Variants in ROR2 observed in about 807,000 individuals in gnomAD.
ROR2 encodes tyrosine-protein kinase transmembrane receptor ROR2.
A neutral mutation model predicts 74.9 loss-of-function variants in ROR2; 33 were observed. The observed-to-expected ratio is 0.44, with a 90% CI of 0.33 to 0.59. The LOEUF is 0.59. ROR2 is among the 20% of genes least tolerant of loss of function. The pLI is 0.02. For synonymous variants in ROR2, 586 were observed against 558.7 expected, an observed-to-expected ratio of 1.05 and a Z score of -0.69; for missense variants, 1,216 against 1,313.8, an observed-to-expected ratio of 0.93 and a Z score of 1.15.
chr9:91,829,851 G>A (rs1445743922), intron 1 of ROR2, among the ~76,000 whole-genome samples: 3 of 152,142 alleles, frequency 2.0e-5, no homozygotes, highest in Admixed American at 6.6e-5. Flanking sequence ...TATTTTTAAC[G>A]TAATACAAAT....
At chr9:91,755,190 C>T (rs1564253398) in intron 4 of ROR2, among the ~76,000 whole-genome samples, 1 of 152,186 alleles carries the variant, frequency 6.6e-6, no homozygotes, top group Non-Finnish European at 1.5e-5. Context: ...TGCAAGCAAG[C>T]TGCTGATGTC....
chr9:91,848,374 G>A (rs1054358077), intron 1 of ROR2, among the ~76,000 whole-genome samples: 4 of 152,220 alleles, frequency 2.6e-5, no homozygotes, highest in Non-Finnish European at 4.4e-5. Context: ...CCCATCTGGA[G>A]GCAGGGCATC....
intron 1 of ROR2, among the ~76,000 whole-genome samples, chr9:91,918,768 G>C (rs1169087947): frequency 3.3e-5 from 5 of 152,182 alleles, no homozygotes; most frequent in Admixed American, 2.0e-4. Flanking sequence ...AAATAAAAGG[G>C]ACAGGAAGAG....
chr9:91,903,168 G>A (rs968194601), intron 1 of ROR2, among the ~76,000 whole-genome samples: 10 of 151,996 alleles, frequency 6.6e-5, no homozygotes, highest in African/African-American at 9.7e-5. Context: ...AAAAATACAT[G>A]TTCTCCCCTA....
intron 1 of ROR2, among the ~76,000 whole-genome samples, chr9:91,883,869 G>A (rs766932155): frequency 8.6e-5 from 13 of 152,008 alleles, no homozygotes; most frequent in Non-Finnish European, 1.5e-4. Flanking sequence ...TGGTGGCCTC[G>A]GAACCCCCTT....
At position 91,901,792 on chromosome 9, in the gene ROR2, G is replaced by GGA. The variant is rs145203256; in HGVS notation, c.97+48073_97+48074dup. Among the ~76,000 whole-genome samples, 6 of 146,842 alleles carry GGA rather than the reference G, an allele frequency of 4.1e-5. No homozygotes were observed. The South Asian group carries it at 1.3e-3, about 32-fold the overall frequency. On this transcript the variant is annotated intron_variant, in intron 1 of 8. Transcript: ENST00000375708. ...GATCTCACGAATGCACTCCAGCCTG[G>GGA]GACTCCATCTCAAAAAAAAAAAAGA...
intron 1 of ROR2, among the ~76,000 whole-genome samples, chr9:91,906,978 G>A (rs546074399): frequency 2.0e-5 from 3 of 152,236 alleles, no homozygotes; most frequent in African/African-American, 4.8e-5. Context: ...GTGTTGTGCA[G>A]GATCACCACT....
rs186940875 is a variant in ROR2, at chr9:91,861,670, C to T, written c.98-85852G>A. 9.1e-4 allele frequency among the ~76,000 whole-genome samples: 139 copies of T among 152,220 alleles called. 1 individual carries two copies. The East Asian group carries it at 0.027, about 29-fold the overall frequency. Reference sequence around the variant, plus strand: ...AAACTGTTAAAAGAATACAGTGTACCTTTTCATAACCTTGAGTTAAACAGT... The same window carrying T: ...AAACTGTTAAAAGAATACAGTGTACTTTTTCATAACCTTGAGTTAAACAGT... On this transcript the variant is annotated intron_variant, in intron 1 of 8. Transcript: ENST00000375708.
chr9:91,739,244 T>A (rs1382133233), intron 4 of ROR2, among the ~76,000 whole-genome samples: 1 of 152,176 alleles, frequency 6.6e-6, no homozygotes, highest in Non-Finnish European at 1.5e-5. Context: ...CAGTGGCTCG[T>A]GCCTGTAATC....
chr9:91,932,670 A>AG (rs1831579941), intron 1 of ROR2, among the ~76,000 whole-genome samples: 1 of 152,044 alleles, frequency 6.6e-6, no homozygotes, highest in African/African-American at 2.4e-5. Flanking sequence ...TCAAAAAAAA[A>AG]AAAGAAAGAA....
At chr9:91,803,576 A>G (rs1827458437) in intron 1 of ROR2, among the ~76,000 whole-genome samples, 1 of 150,468 alleles carries the variant, frequency 6.6e-6, no homozygotes, top group African/African-American at 2.5e-5. Context: ...AACTATGAGA[A>G]TTTCACAGAA....
chr9:91,737,850 C>T (rs1371200581), intron 4 of ROR2, among the ~76,000 whole-genome samples: 1 of 152,086 alleles, frequency 6.6e-6, no homozygotes, highest in East Asian at 1.9e-4. Flanking sequence ...AACTTACATG[C>T]ATATTACTAG....
intron 4 of ROR2, among the ~76,000 whole-genome samples, chr9:91,741,156 C>A (rs1447103932): frequency 2.6e-5 from 4 of 151,868 alleles, no homozygotes; most frequent in African/African-American, 9.7e-5. Context: ...AACAATTAGC[C>A]GGGTGTGGTG....
chr9:91,794,722 A>G (rs1467463968), intron 1 of ROR2, among the ~76,000 whole-genome samples: 1 of 152,198 alleles, frequency 6.6e-6, no homozygotes, highest in Non-Finnish European at 1.5e-5. Flanking sequence ...TTCAATTAAA[A>G]AAAAAACTAG....
Position 91,722,886 on chromosome 9 carries a change from C to A in ROR2, c.*776G>T. 2.2e-6 allele frequency: 1 copy of A among 446,974 alleles called. No individual in the cohort carries two copies. The highest frequency in any genetic ancestry group is 6.3e-4 in the Middle Eastern group (1 of 1,596). 27.7% of individuals were successfully genotyped at this position (446,974 alleles called of 1,614,324 possible). A position where few individuals can be genotyped will look rare whatever the true frequency, so the allele number is the denominator to read the frequency against. ...TTACATTTAAGCTCTGTACATGATT[C>A]TTAACAAAAATAACAATACCGTGTT... On this transcript the variant is annotated 3_prime_UTR_variant, in exon 9 of 9. Transcript: ENST00000375708.
chr9:91,883,030 T>C (rs1380131473), intron 1 of ROR2, among the ~76,000 whole-genome samples: 1 of 152,208 alleles, frequency 6.6e-6, no homozygotes. Flanking sequence ...TTTCAGACTT[T>C]GGAACATTTC....
chr9:91,870,186 T>A (rs1829754323), intron 1 of ROR2, among the ~76,000 whole-genome samples: 2 of 152,002 alleles, frequency 1.3e-5, no homozygotes, highest in African/African-American at 4.8e-5. Context: ...TATCTGATTA[T>A]TTTTTGGAAA....
At chr9:91,919,819 G>A (rs1026370639) in intron 1 of ROR2, among the ~76,000 whole-genome samples, 3 of 152,196 alleles carry the variant, frequency 2.0e-5, no homozygotes, top group Non-Finnish European at 4.4e-5. Context: ...TTCCTGGGAA[G>A]GTTTCCCAGC....
At chr9:91,763,503 T>C (rs1019475070) in intron 2 of ROR2, among the ~76,000 whole-genome samples, 5 of 152,178 alleles carry the variant, frequency 3.3e-5, no homozygotes, top group Admixed American at 6.5e-5. Flanking sequence ...TTTAAAATAT[T>C]TGCCAATCTG....
Sources: allele counts gnomAD v4.1 joint callset (sites outside exome capture counted in the v4.1 genomes callset), GRCh38; gene constraint gnomAD v4.1.1; transcripts MANE v1.5; gene names NCBI Gene and HGNC (gene_info 2026-07-23, HGNC 2026-07-21).